Variants in EHD2 observed in about 807,000 individuals in gnomAD.
The protein encoded by EHD2 is EH domain-containing protein 2.
A neutral mutation model predicts 41.0 loss-of-function variants in EHD2; 27 were observed. The ratio of observed to expected loss-of-function variants is 0.66; its 90% CI spans 0.49 to 0.91. The LOEUF is 0.91. Ranked by LOEUF, EHD2 falls within the 40% of genes least tolerant of loss-of-function variation. EHD2 has a pLI of 0.00. For missense variants in EHD2, 673 were observed against 773.9 expected (o/e 0.87, Z 1.55); for synonymous variants, 342 against 341.0 (o/e 1.00, Z -0.03).
At chr19:47,726,388 G>A in intron 4 of EHD2, 164 bp downstream of exon 4, 1 of 735,164 alleles carries the variant, frequency 1.4e-6, no homozygotes. Context: ...ACTGTATGGA[G>A]AGACTCATTC....
Position 47,736,525 on chromosome 19 carries a change from A to G in EHD2, c.1072A>G (p.Lys358Glu), listed in dbSNP as rs1966924907. The change falls in exon 5 of 6, where the codon AAA becomes GAA. Residue 358 changes from lysine (K) to glutamate (E), a missense_variant. By Grantham distance (56) the Lys-to-Glu change is moderately conservative. Coordinates refer to ENST00000263277, the MANE Select transcript of EHD2 (RefSeq NM_014601.4). Reference protein sequence around the residue: ...ISPGDFPDCQKMQELLMAHDF... With the variant: ...ISPGDFPDCQEMQELLMAHDF... ...CCCTGGGGACTTTCCTGATTGCCAG[A>G]AAATGCAGGTGGGAAGCTGCCCAGG... The G allele has an allele frequency of 1.9e-6, 3 of 1,587,596 alleles. No homozygotes were observed. Among genetic ancestry groups the G allele is most frequent in the Non-Finnish European group, 1.7e-6 (2 of 1,167,078 alleles).
chr19:47,737,013 C>T (rs1026198090), intron 5 of EHD2, among the ~76,000 whole-genome samples: 14 of 151,750 alleles, frequency 9.2e-5, no homozygotes, highest in Admixed American at 3.3e-4. Flanking sequence ...GGGCGGATCA[C>T]GAGGTCAGCA....
In EHD2 at chr19:47,742,159, T is replaced by G. The variant is rs1966997982; in HGVS notation, c.*727T>G. On this transcript the variant is annotated 3_prime_UTR_variant, in exon 6 of 6. Coordinates refer to ENST00000263277, the MANE Select transcript of EHD2 (RefSeq NM_014601.4). The stretch of plus-strand genomic sequence containing the variant: ...TCCTTCCTTCTTTTCTTTCCTTCCT[T>G]CCTTCTTTTTTGTTTTTGCCCCCAA... 1 of 336,588 alleles carries G rather than the reference T, an allele frequency of 3.0e-6. No individual in the cohort carries two copies. Among genetic ancestry groups the G allele is most frequent in the Admixed American group, 4.5e-5 (1 of 22,122 alleles). 20.9% of individuals were successfully genotyped at this position (336,588 alleles called of 1,614,324 possible). A position where few individuals can be genotyped will look rare whatever the true frequency, so the allele number is the denominator to read the frequency against.
At chr19:47,725,568 C>T (rs1973742107) in intron 3 of EHD2, among the ~76,000 whole-genome samples, 2 of 152,182 alleles carry the variant, frequency 1.3e-5, no homozygotes, top group Non-Finnish European at 2.9e-5. Context: ...TGATTGCCCC[C>T]TGTAGCCAGA....
At position 47,716,578 on chromosome 19, in the gene EHD2, C is replaced by T; in HGVS notation, c.-35C>T. 3.4e-6 allele frequency: 5 copies of T among 1,464,006 alleles called. No homozygotes were observed. The highest frequency in any genetic ancestry group is 4.5e-6 in the Non-Finnish European group (5 of 1,110,348). 90.7% of individuals were successfully genotyped at this position (1,464,006 alleles called of 1,614,324 possible). A position where few individuals can be genotyped will look rare whatever the true frequency, so the allele number is the denominator to read the frequency against. ...CACAGGCAGCTCTCCATCTGCACGTCTCTCCGTGAACCCCGTGAGCGGTGT... is the reference window on the plus strand; with the variant it reads ...CACAGGCAGCTCTCCATCTGCACGTTTCTCCGTGAACCCCGTGAGCGGTGT... On this transcript the variant is annotated 5_prime_UTR_variant, in exon 2 of 6. Coordinates refer to ENST00000263277, the MANE Select transcript of EHD2 (RefSeq NM_014601.4).
chr19:47,725,943 GACAAGATCCGCGTGGTGCTCA>G lies in EHD2; in HGVS notation c.640_660del (p.Ile214_Lys220del). 2 of 1,613,882 alleles carry G rather than the reference GACAAGATCCGCGTGGTGCTCA, an allele frequency of 1.2e-6. No homozygotes were observed. Among genetic ancestry groups the G allele is most frequent in the Non-Finnish European group, 1.7e-6 (2 of 1,179,822 alleles). On this transcript the variant is annotated inframe_deletion, in exon 4 of 6. Transcript: ENST00000263277. ...CATCGGCGCGTTGCGGGGCCATGAG[GACAAGATCCGCGTGGTGCTCA>G]ACAAGGCCGACATGGTGGAGACGCA... is the stretch of plus-strand genomic sequence containing the variant.
chr19:47,741,580 C>A lies in EHD2; in HGVS notation c.*148C>A. 1.1e-6 allele frequency: 1 copy of A among 920,740 alleles called. No homozygotes were observed. Among genetic ancestry groups the A allele is most frequent in the Non-Finnish European group, 1.6e-6 (1 of 625,240 alleles). The allele number at this position is 920,740 out of a possible 1,614,324, so 57.0% of individuals were successfully genotyped here. A position where few individuals can be genotyped will look rare whatever the true frequency, so the allele number is the denominator to read the frequency against. On this transcript the variant is annotated 3_prime_UTR_variant, in exon 6 of 6. Transcript: ENST00000263277. The surrounding 1 kb of genome is among the most constrained non-coding windows in gnomAD (Gnocchi z 4.5). ...TCCCTCCTCACTACCGCCAGACACC[C>A]CGGTGGAAGCATTTAGAGGGGACCA...
At chr19:47,726,460 T>A in intron 4 of EHD2, 1 of 413,166 alleles carries the variant, frequency 2.4e-6, no homozygotes, top group South Asian at 1.2e-4. Flanking sequence ...CTGGTATTTC[T>A]ATTTCTTCTT....
chr19:47,720,134 C>T (rs71363767), intron 3 of EHD2, among the ~76,000 whole-genome samples: 7 of 149,458 alleles, frequency 4.7e-5, no homozygotes, highest in African/African-American at 7.4e-5. Context: ...TGTGTGTGTG[C>T]GCATGTGCCT....
In EHD2 at chr19:47,726,070, T is replaced by G; in HGVS notation, c.761T>G (p.Ile254Ser). The G allele has an allele frequency of 6.3e-7, 1 of 1,580,454 alleles. No homozygotes were observed. The highest frequency in any genetic ancestry group is 8.6e-7 in the Non-Finnish European group (1 of 1,164,086). Residue 254 changes from isoleucine (I) to serine (S), a missense_variant, in exon 4 of 6, where the codon ATC (isoleucine) becomes AGC (serine). Ile to Ser is a moderately radical substitution (Grantham distance 142). Transcript: ENST00000263277. ...VGTPEVLRVY[I>S]GSFWSQPLLV... ...ACGCCCGAGGTGCTGCGCGTCTACA[T>G]CGGCTCCTTCTGGTCCCAGCCCCTC...
chr19:47,727,821 C>T (rs370149205), intron 4 of EHD2, among the ~76,000 whole-genome samples: 2 of 151,880 alleles, frequency 1.3e-5, no homozygotes, highest in Admixed American at 6.6e-5. Flanking sequence ...AGGCTGGGTG[C>T]GGTGGCTCAC....
chr19:47,736,959 T>C (rs11881075), intron 5 of EHD2, among the ~76,000 whole-genome samples: 2,772 of 151,888 alleles, frequency 0.018, 37 homozygotes, highest in African/African-American at 0.031. Flanking sequence ...GGGCCAGGCA[T>C]GGTGGCTCAC....
chr19:47,719,735 G>A lies in EHD2; in HGVS notation c.502+1129G>A, dbSNP rs1973674818. The stretch of plus-strand genomic sequence containing the variant: ...GCTGCAGAAACGATTGGGAGGACAC[G>A]CTGCCAGCTGAGGGGGAGGAATTCC... On this transcript the variant is annotated intron_variant, in intron 3 of 5. Transcript: ENST00000263277. The surrounding 1 kb of genome is among the most constrained non-coding windows in gnomAD (Gnocchi z 4.1). 6.6e-6 allele frequency among the ~76,000 whole-genome samples: 1 copy of A among 152,042 alleles called. No individual in the cohort carries two copies. The highest frequency in any genetic ancestry group is 2.4e-5 in the African/African-American group (1 of 41,396).
chr19:47,731,279 A>AAAAAAAAAATATATATATATAT, intron 4 of EHD2: 1 of 60,928 alleles, frequency 1.6e-5, no homozygotes, highest in African/African-American at 4.9e-5. Flanking sequence ...AAAAAAAAAA[A>AAAAAAAAAATATATATATATAT]ATATATATAT....
intron 3 of EHD2, among the ~76,000 whole-genome samples, chr19:47,720,007 G>A (rs1022550207): frequency 1.7e-4 from 25 of 149,386 alleles, no homozygotes; most frequent in African/African-American, 5.8e-4. Context: ...GTCATTATGA[G>A]TGTACTCCTG....
At chr19:47,735,501 G>T (rs1054889850) in intron 4 of EHD2, among the ~76,000 whole-genome samples, 1 of 152,192 alleles carries the variant, frequency 6.6e-6, no homozygotes, top group South Asian at 2.1e-4. Context: ...GAGAGGCTGA[G>T]GCGGGAGGAT....
At position 47,741,498 on chromosome 19, in the gene EHD2, C is replaced by A; in HGVS notation, c.*66C>A. The A allele has an allele frequency of 6.7e-7, 1 of 1,490,172 alleles. No individual in the cohort carries two copies. The highest frequency in any genetic ancestry group is 9.0e-7 in the Non-Finnish European group (1 of 1,115,420). The allele number at this position is 1,490,172 out of a possible 1,614,324, so 92.3% of individuals were successfully genotyped here. On this transcript the variant is annotated 3_prime_UTR_variant, in exon 6 of 6. Coordinates refer to ENST00000263277, the MANE Select transcript of EHD2 (RefSeq NM_014601.4). This position sits in a 1 kb window ranked among gnomAD's most constrained non-coding sequence, Gnocchi z 4.5. ...CCAGTCGGCTGCACGCACACCCCTGCTCCGGCTCACACACGCCCTGCCTGC... is the reference window on the plus strand; with the variant it reads ...CCAGTCGGCTGCACGCACACCCCTGATCCGGCTCACACACGCCCTGCCTGC...
intron 3 of EHD2, among the ~76,000 whole-genome samples, chr19:47,722,108 T>C (rs142417560): frequency 9.9e-4 from 149 of 150,846 alleles, no homozygotes; most frequent in South Asian, 3.1e-3. Flanking sequence ...GTTAAATTAG[T>C]TAAAACATAC....
chr19:47,741,121 G>A lies in EHD2; in HGVS notation c.1321G>A (p.Glu441Lys), dbSNP rs772336133. 14 of 1,611,128 alleles carry A rather than the reference G, an allele frequency of 8.7e-6. 1 individual carries two copies. The highest frequency in any genetic ancestry group is 1.6e-4 in the Middle Eastern group (1 of 6,084). Residue 441 changes from glutamate to lysine, a missense_variant, in exon 6 of 6, where the codon GAG becomes AAG. Coordinates refer to ENST00000263277, the MANE Select transcript of EHD2 (RefSeq NM_014601.4). This position sits in a 1 kb window ranked among gnomAD's most constrained non-coding sequence, Gnocchi z 4.5. ...GGACGGCGAGGAGGGCTCGGACGACGAGGCCGAGTGGGTGGTGACCAAGGA... is the reference window on the plus strand; with the variant it reads ...GGACGGCGAGGAGGGCTCGGACGACAAGGCCGAGTGGGTGGTGACCAAGGA... ...MEDGEEGSDD[E>K]AEWVVTKDKS...
Sources: allele counts gnomAD v4.1 joint callset (sites outside exome capture counted in the v4.1 genomes callset), GRCh38; gene constraint gnomAD v4.1.1; non-coding constraint Gnocchi (gnomAD v3.1); transcripts MANE v1.5; gene names NCBI Gene and HGNC (gene_info 2026-07-23, HGNC 2026-07-21).